OCA2: variants seen among roughly 807,000 people sequenced by gnomAD.
The protein encoded by OCA2 is OCA2 melanosomal transmembrane protein.
A neutral mutation model predicts 100.2 loss-of-function variants in OCA2; 77 were observed. That is an observed-to-expected ratio of 0.77 (90% confidence interval 0.64 to 0.93). The LOEUF (loss-of-function observed/expected upper bound fraction) is 0.93. Ranked by LOEUF, OCA2 falls within the 40% of genes least tolerant of loss-of-function variation. OCA2 has a pLI of 0.00. For missense variants in OCA2, 1,062 were observed against 1,089.1 expected, an observed-to-expected ratio of 0.98 and a Z score of 0.35; for synonymous variants, 432 against 439.2, an observed-to-expected ratio of 0.98 and a Z score of 0.21.
chr15:27,967,518 T>A (rs890348083), intron 14 of OCA2, among the ~76,000 whole-genome samples: 6 of 152,186 alleles, frequency 3.9e-5, no homozygotes, highest in Non-Finnish European at 7.4e-5. Context: ...TACTAAACTA[T>A]ATGATAATAT....
intron 9 of OCA2, among the ~76,000 whole-genome samples, chr15:28,005,851 T>C (rs887108814): frequency 2.0e-5 from 3 of 152,174 alleles, no homozygotes; most frequent in Admixed American, 6.5e-5. Flanking sequence ...AGAATCAACA[T>C]AGATGATGAA....
At chr15:27,882,644 A>G (rs1434607303) in intron 19 of OCA2, among the ~76,000 whole-genome samples, 1 of 152,144 alleles carries the variant, frequency 6.6e-6, no homozygotes, top group Non-Finnish European at 1.5e-5. Context: ...GATACTGTCA[A>G]TGTTAAAATA....
intron 23 of OCA2, among the ~76,000 whole-genome samples, chr15:27,832,830 AT>A (rs112415796): frequency 0.012 from 1,631 of 135,624 alleles, 30 homozygotes; most frequent in East Asian, 0.074. Context: ...TAAATATCTG[AT>A]TTTTTTTTTT....
Position 27,974,779 on chromosome 15 carries a change from C to T in OCA2, c.1504-7957G>A, listed in dbSNP as rs143794943. 1.7e-3 allele frequency among the ~76,000 whole-genome samples: 255 copies of T among 152,218 alleles called. 1 individual carries two copies. Among genetic ancestry groups the T allele is most frequent in the African/African-American group, 5.9e-3 (244 of 41,536 alleles). On this transcript the variant is annotated intron_variant, in intron 14 of 23. Coordinates refer to ENST00000354638, the MANE Select transcript of OCA2 (RefSeq NM_000275.3). Reference sequence around the variant, plus strand: ...TGAGACTCCATTACAGTTTAATTCCCAAATTCAGAGAAAGTCATTAAGTAG... The same window carrying T: ...TGAGACTCCATTACAGTTTAATTCCTAAATTCAGAGAAAGTCATTAAGTAG...
At chr15:28,019,012 C>A (rs946493036) in intron 6 of OCA2, among the ~76,000 whole-genome samples, 3 of 152,184 alleles carry the variant, frequency 2.0e-5, no homozygotes, top group Admixed American at 6.5e-5. Context: ...ATATGAAATA[C>A]ATGAGTATGC....
chr15:27,960,153 C>A (rs2040361563), intron 15 of OCA2, among the ~76,000 whole-genome samples: 1 of 152,196 alleles, frequency 6.6e-6, no homozygotes, highest in African/African-American at 2.4e-5. Flanking sequence ...CATAAAGTTT[C>A]TCTCCTACCC....
At chr15:27,946,352 C>A (rs1017190747) in intron 18 of OCA2, among the ~76,000 whole-genome samples, 1 of 152,148 alleles carries the variant, frequency 6.6e-6, no homozygotes, top group African/African-American at 2.4e-5. Context: ...AAGCGAAAAC[C>A]TAACTTAATA....
chr15:27,997,725 G>A (rs1337173398), intron 9 of OCA2, among the ~76,000 whole-genome samples: 4 of 112,888 alleles, frequency 3.5e-5, no homozygotes, highest in African/African-American at 1.0e-4. Flanking sequence ...AAAGTCATTG[G>A]TAGCTTGCTG....
At chr15:27,912,765 C>A (rs1427285148) in intron 19 of OCA2, among the ~76,000 whole-genome samples, 1 of 152,178 alleles carries the variant, frequency 6.6e-6, no homozygotes, top group East Asian at 1.9e-4. Context: ...TGAGGAAAAA[C>A]ACAATGTTAG....
chr15:27,893,323 T>G (rs1342705697), intron 19 of OCA2, among the ~76,000 whole-genome samples: 2 of 152,230 alleles, frequency 1.3e-5, no homozygotes, highest in Non-Finnish European at 1.5e-5. Flanking sequence ...TTGTGTTAAC[T>G]GTACAAATTG....
chr15:27,972,171 G>T (rs1274071450), intron 14 of OCA2, among the ~76,000 whole-genome samples: 1 of 152,172 alleles, frequency 6.6e-6, no homozygotes, highest in Non-Finnish European at 1.5e-5. Context: ...TTATGGCTGA[G>T]TAGTATTCTA....
intron 19 of OCA2, among the ~76,000 whole-genome samples, chr15:27,873,924 G>T (rs2036684576): frequency 6.6e-6 from 1 of 152,198 alleles, no homozygotes; most frequent in Non-Finnish European, 1.5e-5. Context: ...TACAGTTGAA[G>T]ATTATACATA....
At chr15:27,925,013 T>A (rs2038994261) in intron 19 of OCA2, among the ~76,000 whole-genome samples, 1 of 152,148 alleles carries the variant, frequency 6.6e-6, no homozygotes. Context: ...TTAGTAATGA[T>A]AAAGTTCAAT....
intron 22 of OCA2, 140 bp downstream of exon 22, chr15:27,851,242 G>A: frequency 2.6e-6 from 2 of 773,412 alleles, no homozygotes; most frequent in Non-Finnish European, 4.5e-6. Flanking sequence ...CTCTGTCAAA[G>A]CTGAATATGT....
chr15:27,910,960 AAAAG>A (rs534428321), intron 19 of OCA2, among the ~76,000 whole-genome samples: 3 of 152,026 alleles, frequency 2.0e-5, no homozygotes, highest in South Asian at 2.1e-4. Context: ...CATCTAAAAA[AAAAG>A]AAAGAAAGAA....
chr15:27,782,949 T>G lies in OCA2; in HGVS notation c.2433-27477A>C, dbSNP rs181075776. ...GTGTGTGATTCCAACTAGTCCTTGT[T>G]TATTAAATCATTTATCCAACATCTA... is the stretch of plus-strand genomic sequence containing the variant. On this transcript the variant is annotated intron_variant, in intron 23 of 23. Transcript: ENST00000354638. Among the ~76,000 whole-genome samples the G allele has an allele frequency of 2.0e-3, 308 of 152,344 alleles. 6 individuals are homozygous for G. The highest frequency in any genetic ancestry group is 4.6e-3 in the South Asian group (22 of 4,826).
chr15:28,066,854 C>T (rs2044039751), intron 2 of OCA2, among the ~76,000 whole-genome samples: 5 of 152,142 alleles, frequency 3.3e-5, no homozygotes, highest in Admixed American at 2.0e-4. Context: ...TATCCTAATC[C>T]GGACATTCCT....
intron 14 of OCA2, among the ~76,000 whole-genome samples, chr15:27,973,106 G>A (rs988675892): frequency 6.6e-6 from 1 of 152,064 alleles, no homozygotes; most frequent in African/African-American, 2.4e-5. Context: ...CTGACCTGAA[G>A]TGATCCTCCC....
rs2038439645 is a variant in OCA2, at chr15:27,912,581, A to G, written c.2079+13546T>C. 3.3e-5 allele frequency among the ~76,000 whole-genome samples: 5 copies of G among 152,190 alleles called. No individual in the cohort carries two copies. The South Asian group carries it at 1.0e-3, about 32-fold the overall frequency. ...AAATAAACATCCATGAACTTTTACA[A>G]ATGTAAATAAATAAAGGAGAAGGAT... On this transcript the variant is annotated intron_variant, in intron 19 of 23. Coordinates refer to ENST00000354638, the MANE Select transcript of OCA2 (RefSeq NM_000275.3).
Sources: gnomAD v4.1 joint callset for allele counts (sites outside exome capture counted in the v4.1 genomes callset) on GRCh38, gnomAD v4.1.1 for gene constraint, MANE v1.5 for transcripts, NCBI Gene and HGNC (gene_info 2026-07-23, HGNC 2026-07-21) for gene names.